RASA3: variants seen among roughly 807,000 people sequenced by gnomAD.
RASA3 encodes RAS p21 protein activator 3, also known as ras GTPase-activating protein 3.
A neutral mutation model predicts 110.0 loss-of-function variants in RASA3; 73 were observed. The ratio of observed to expected loss-of-function variants is 0.66; its 90% CI spans 0.55 to 0.81. The LOEUF (loss-of-function observed/expected upper bound fraction) is 0.81. Among genes scored for constraint, RASA3 ranks in the 30% least tolerant of loss-of-function variants. The pLI, the probability that RASA3 is intolerant of heterozygous loss-of-function variation, is 0.00. For missense variants in RASA3, 976 were observed against 1,113.2 expected, an observed-to-expected ratio of 0.88 and a Z score of 1.75; for synonymous variants, 500 against 451.4, an observed-to-expected ratio of 1.11 and a Z score of -1.37.
chr13:114,005,046 C>A (rs1032659667), intron 18 of RASA3, among the ~76,000 whole-genome samples: 3 of 152,198 alleles, frequency 2.0e-5, no homozygotes, highest in African/African-American at 7.2e-5. Flanking sequence ...CATGTTCTCA[C>A]TGGTCCATAG....
chr13:114,132,361 G>T, intron 1 of RASA3, 74 bp downstream of exon 1: 1 of 1,390,134 alleles, frequency 7.2e-7, no homozygotes. Context: ...AAGGATCTGC[G>T]GAGGGGAGGC....
chr13:114,059,996 G>A (rs7999377), intron 2 of RASA3, among the ~76,000 whole-genome samples: 56,694 of 152,210 alleles, frequency 0.37, 10,956 homozygotes, highest in Middle Eastern at 0.51. Context: ...GGAGGCTTAC[G>A]GACGAGTGAG....
chr13:114,038,077 T>TAA (rs541898809), intron 4 of RASA3, among the ~76,000 whole-genome samples: 15 of 116,680 alleles, frequency 1.3e-4, no homozygotes, highest in African/African-American at 3.2e-4. Context: ...ATTAAATCAG[T>TAA]AAAAAAAAAA....
chr13:113,991,798 A>G (rs1410757703), intron 22 of RASA3, among the ~76,000 whole-genome samples: 3 of 152,108 alleles, frequency 2.0e-5, no homozygotes, highest in African/African-American at 7.2e-5. Context: ...ATGCTGACAC[A>G]TGTGCCCAAA....
At chr13:114,016,093 CA>C (rs1285256540) in intron 13 of RASA3, 103 bp downstream of exon 13, 4 of 1,029,164 alleles carry the variant, frequency 3.9e-6, no homozygotes, top group African/African-American at 3.2e-5. Flanking sequence ...GTCCTGCTCC[CA>C]CCCCAACCGG....
At chr13:114,019,269 G>A (rs938467575) in intron 9 of RASA3, among the ~76,000 whole-genome samples, 1 of 152,244 alleles carries the variant, frequency 6.6e-6, no homozygotes, top group Non-Finnish European at 1.5e-5. Context: ...AGGTGGAAAT[G>A]AAAATTATCT....
rs547823635 is a variant in RASA3 at position 114,114,053 on chromosome 13, C to A, written c.55+18382G>T. On this transcript the variant is annotated intron_variant, in intron 1 of 23. Coordinates refer to ENST00000334062, the MANE Select transcript of RASA3 (RefSeq NM_007368.4). This position sits in a 1 kb window ranked among gnomAD's most constrained non-coding sequence, Gnocchi z 4.8. ...GCGAGTGATGTCCGTATAGCTCACA[C>A]CGCATCCATCAATCCACCCACCACA... Among the ~76,000 whole-genome samples, 10 of 151,966 alleles carry A rather than the reference C, an allele frequency of 6.6e-5. No individual in the cohort carries two copies. Among genetic ancestry groups the A allele is most frequent in the African/African-American group, 2.4e-4 (10 of 41,236 alleles).
At position 113,996,090 on chromosome 13, in the gene RASA3, C is replaced by T. The variant is rs553939401; in HGVS notation, c.2141+441G>A. Reference sequence around the variant, plus strand: ...TGGGGGGCCCGGCTGATGGGGGGCCCGGCTGATGGGGACCCGGCTGATGGG... The same window carrying T: ...TGGGGGGCCCGGCTGATGGGGGGCCTGGCTGATGGGGACCCGGCTGATGGG... On this transcript the variant is annotated intron_variant, in intron 21 of 23. Transcript: ENST00000334062. Among the ~76,000 whole-genome samples, 1,260 of 126,528 alleles carry T rather than the reference C, an allele frequency of 1.0e-2. 34 individuals carry two copies. The highest frequency in any genetic ancestry group is 0.036 in the African/African-American group (1,213 of 33,412). The allele number at this position is 126,528 out of a possible 152,430, so 83.0% of individuals were successfully genotyped here.
intron 19 of RASA3, among the ~76,000 whole-genome samples, chr13:114,000,155 G>A (rs1245604942): frequency 1.6e-5 from 2 of 124,794 alleles, no homozygotes; most frequent in Non-Finnish European, 3.3e-5. Flanking sequence ...TCTGTTGGGG[G>A]TGTCTCTGCT....
chr13:114,055,183 C>T (rs990581134), intron 2 of RASA3, among the ~76,000 whole-genome samples: 2 of 152,124 alleles, frequency 1.3e-5, no homozygotes, highest in African/African-American at 4.8e-5. Context: ...TGTGTGCATG[C>T]ATGTGCCATG....
intron 2 of RASA3, among the ~76,000 whole-genome samples, chr13:114,063,685 A>G (rs971580810): frequency 6.6e-6 from 1 of 152,186 alleles, no homozygotes; most frequent in African/African-American, 2.4e-5. Flanking sequence ...AGGGGTGAGC[A>G]CCCTGGGAAC....
At chr13:114,061,111 T>TA (rs139193767) in intron 2 of RASA3, among the ~76,000 whole-genome samples, 20,535 of 152,116 alleles carry the variant, frequency 0.13, 1,780 homozygotes, top group Middle Eastern at 0.21. Flanking sequence ...TAAAAGCACT[T>TA]AGAGTTTTTT....
chr13:114,027,034 C>G (rs1165159952), intron 7 of RASA3, among the ~76,000 whole-genome samples: 2 of 152,256 alleles, frequency 1.3e-5, no homozygotes, highest in Non-Finnish European at 2.9e-5. Flanking sequence ...ACAAAAACCC[C>G]CAAGGTCCTG....
chr13:114,031,507 C>A (rs2139400653), intron 4 of RASA3, among the ~76,000 whole-genome samples: 1 of 148,380 alleles, frequency 6.7e-6, no homozygotes, highest in East Asian at 2.0e-4. Context: ...ACTGTGTCTG[C>A]CTGTCTGTGC....
chr13:114,016,459 G>A (rs2053794477), intron 12 of RASA3, among the ~76,000 whole-genome samples, 188 bp from the exon 13 acceptor site: 1 of 152,168 alleles, frequency 6.6e-6, no homozygotes, highest in African/African-American at 2.4e-5. Context: ...GGCCACCGTG[G>A]GGTGGTGTCG....
At chr13:113,979,878 T>C (rs904774691) in intron 23 of RASA3, among the ~76,000 whole-genome samples, 1 of 151,872 alleles carries the variant, frequency 6.6e-6, no homozygotes, top group Admixed American at 6.6e-5. Context: ...TCCTGCCATG[T>C]GTGTCCACTA....
At chr13:114,002,949 G>A (rs995035044) in intron 18 of RASA3, among the ~76,000 whole-genome samples, 17 of 152,228 alleles carry the variant, frequency 1.1e-4, no homozygotes, top group South Asian at 2.1e-4. Flanking sequence ...GTGTCCCAGT[G>A]GGTGAGGACA....
chr13:114,119,662 TTC>T (rs2080342182), intron 1 of RASA3, among the ~76,000 whole-genome samples: 1 of 10,156 alleles, frequency 9.8e-5, no homozygotes, highest in Admixed American at 9.5e-4. Context: ...AGTCCCCCCC[TTC>T]TCTCCAGCCA....
At chr13:114,009,693 C>T (rs1313833162) in intron 16 of RASA3, among the ~76,000 whole-genome samples, 1 of 152,228 alleles carries the variant, frequency 6.6e-6, no homozygotes, top group Non-Finnish European at 1.5e-5. Context: ...CGTGAGGTCT[C>T]CAAGCACCCT....
Sources: gnomAD v4.1 joint callset for allele counts (sites outside exome capture counted in the v4.1 genomes callset) on GRCh38, gnomAD v4.1.1 for gene constraint, Gnocchi (gnomAD v3.1) non-coding constraint, MANE v1.5 for transcripts, NCBI Gene and HGNC (gene_info 2026-07-23, HGNC 2026-07-21) for gene names.